NDRG2: variants seen among roughly 807,000 people sequenced by gnomAD.
The protein encoded by NDRG2 is NDRG family member 2.
NDRG2 carries 34 observed loss-of-function variants against 58.2 expected under a neutral mutation model. The observed-to-expected ratio is 0.58, with a 90% confidence interval of 0.44 to 0.78. The LOEUF (loss-of-function observed/expected upper bound fraction) is 0.78, where lower values mean the gene tolerates loss of function less well. NDRG2 is among the 30% of genes least tolerant of loss of function. The pLI, the probability that NDRG2 is intolerant of heterozygous loss-of-function variation, is 0.00. For synonymous variants in NDRG2, 187 were observed against 175.9 expected, an observed-to-expected ratio of 1.06 and a Z score of -0.50; for missense variants, 434 against 471.2, an observed-to-expected ratio of 0.92 and a Z score of 0.73.
intron 1 of NDRG2, among the ~76,000 whole-genome samples, chr14:21,062,822 A>G (rs1440675644): frequency 1.3e-5 from 2 of 149,196 alleles, no homozygotes; most frequent in African/African-American, 5.0e-5. Context: ...GCTCACTGCA[A>G]CCTCCACCTC....
upstream of NDRG2, chr14:21,025,746 G>A: frequency 1.0e-6 from 1 of 983,456 alleles, no homozygotes; most frequent in Non-Finnish European, 1.2e-6. This position sits in a 1 kb window ranked among gnomAD's most constrained non-coding sequence, Gnocchi z 5.1. Flanking sequence ...CAACAAGGCG[G>A]GGAGGTGGGG....
chr14:21,018,590 C>A (rs1878252043), intron 12 of NDRG2, 86 bp from the exon 13 acceptor site: 3 of 1,565,532 alleles, frequency 1.9e-6, no homozygotes, highest in South Asian at 2.4e-5. Context: ...AGACCCCAGT[C>A]CCTTTTCTAT....
chr14:21,063,001 C>A (rs1001851527), intron 1 of NDRG2, among the ~76,000 whole-genome samples: 3 of 151,182 alleles, frequency 2.0e-5, no homozygotes, highest in Admixed American at 6.6e-5. Context: ...GGGTGCACAC[C>A]TGCCTGTAGT....
intron 1 of NDRG2, among the ~76,000 whole-genome samples, chr14:21,069,622 C>G (rs1886513312): frequency 1.3e-5 from 2 of 152,236 alleles, no homozygotes; most frequent in South Asian, 4.1e-4. Context: ...TCCCTAACTC[C>G]CGCACACTCC....
intron 1 of NDRG2, chr14:21,030,882 A>G: frequency 2.7e-6 from 4 of 1,507,212 alleles, no homozygotes; most frequent in East Asian, 4.6e-5. Flanking sequence ...GCGCTGTGCT[A>G]TCCTTTGTCT....
intron 1 of NDRG2, chr14:21,031,014 C>A: frequency 6.2e-7 from 1 of 1,605,744 alleles, no homozygotes; most frequent in Non-Finnish European, 8.5e-7. Context: ...CTGACCAGGG[C>A]CAAGAACGCC....
At position 21,023,228 on chromosome 14, in the gene NDRG2, G is replaced by T. The variant is rs771224741; in HGVS notation, c.75+13C>A. ...TGGAATTTGGGCATGGGAGTCAAAC[G>T]GTCTCTAATAACCTTGGCCGCCTCA... On this transcript the variant is annotated intron_variant, in intron 2 of 15. Coordinates refer to ENST00000556147, the MANE Select transcript of NDRG2 (RefSeq NM_001320329.2). 6.2e-7 allele frequency: 1 copy of T among 1,612,510 alleles called. No homozygotes were observed. The highest frequency in any genetic ancestry group is 8.5e-7 in the Non-Finnish European group (1 of 1,178,798).
At position 21,070,770 on chromosome 14, in the gene NDRG2, G is replaced by A. The variant is rs1886719301; in HGVS notation, c.24+58C>T. On this transcript the variant is annotated intron_variant, in intron 1 of 14. Transcript: ENST00000403829. The surrounding 1 kb of genome is among the most constrained non-coding windows in gnomAD (Gnocchi z 4.7). ...CTCCTTACCCGCGGGAGACCCCTGC[G>A]GGTTGGTCCTGCAGCGACCCTGGAA... 5 of 1,522,982 alleles carry A rather than the reference G, an allele frequency of 3.3e-6. No individual in the cohort carries two copies. The highest frequency in any genetic ancestry group is 4.4e-6 in the Non-Finnish European group (5 of 1,136,022). The allele number at this position is 1,522,982 out of a possible 1,614,324, so 94.3% of individuals were successfully genotyped here.
rs375971279 is a variant in NDRG2, at chr14:21,018,067, C to T, written c.898-29G>A. 70 of 1,610,492 alleles carry T rather than the reference C, an allele frequency of 4.3e-5. 2 individuals carry two copies. The highest frequency in any genetic ancestry group is 6.7e-5 in the East Asian group (3 of 44,868). Reference sequence around the variant, plus strand: ...CGGAAGTAAGAAGAGGCGAGGGAGACGGTGAGATGAGGTTAGAGGAAGAGC... The same window carrying T: ...CGGAAGTAAGAAGAGGCGAGGGAGATGGTGAGATGAGGTTAGAGGAAGAGC... On this transcript the variant is annotated intron_variant, in intron 14 of 15. Transcript: ENST00000556147.
Position 21,019,224 on chromosome 14 carries a change from A to C in NDRG2, c.717-64T>G, listed in dbSNP as rs370699664. On this transcript the variant is annotated intron_variant, in intron 10 of 15. Transcript: ENST00000556147. ...AATGCTATCTAACCAGATATAAGCT[A>C]TCTCTCCCATGATGGAACTATCTTT... 5.2e-5 allele frequency: 72 copies of C among 1,388,048 alleles called. No individual in the cohort carries two copies. The African/African-American group carries it at 9.4e-4, about 18-fold the overall frequency. The allele number at this position is 1,388,048 out of a possible 1,614,324, so 86.0% of individuals were successfully genotyped here.
At chr14:21,068,748 G>A (rs969124250) in intron 1 of NDRG2, among the ~76,000 whole-genome samples, 7 of 152,220 alleles carry the variant, frequency 4.6e-5, no homozygotes, top group African/African-American at 1.4e-4. Context: ...ACTGTGCGGG[G>A]AAGATGGTTA....
chr14:21,044,691 C>T (rs1885065297), intron 1 of NDRG2, among the ~76,000 whole-genome samples: 1 of 152,202 alleles, frequency 6.6e-6, no homozygotes, highest in African/African-American at 2.4e-5. Flanking sequence ...TCCTGATGGT[C>T]TCTCCAACAT....
rs1193948590 is a variant in NDRG2, at chr14:21,058,155, C to A, written c.24+12673G>T. ...ATCACCTGCCAGACCCCCAACATAG[C>A]CTGCAAGAATAGCTGTAAAAACTGC... On this transcript the variant is annotated intron_variant, in intron 1 of 14. Coordinates refer to the NDRG2 transcript ENST00000403829. The A allele has an allele frequency of 2.5e-6, 4 of 1,614,080 alleles. No homozygotes were observed. In the Admixed American group the frequency reaches 6.7e-5, roughly 27 times the overall value.
chr14:21,044,734 T>C (rs985038655), intron 1 of NDRG2, among the ~76,000 whole-genome samples: 6 of 152,194 alleles, frequency 3.9e-5, no homozygotes, highest in Non-Finnish European at 8.8e-5. Flanking sequence ...TCTTTCTTCC[T>C]TTATCTCAGT....
At chr14:21,033,751 G>A (rs746762595) in intron 1 of NDRG2, 2 of 1,075,756 alleles carry the variant, frequency 1.9e-6, no homozygotes, top group Admixed American at 1.7e-5. Context: ...TCTTGTTACA[G>A]GGATCAGAGT....
Position 21,024,283 on chromosome 14 carries a change from T to C in NDRG2, c.-260A>G, listed in dbSNP as rs1882539101. ...CTCTCTAGGCTCGAGCCGGAATCAA[T>C]ATAGGCTACAAGGGCATCAGTTCAG... On this transcript the variant is annotated 5_prime_UTR_variant, in exon 1 of 16. The change creates a new upstream start codon in the 5' untranslated region. Coordinates refer to ENST00000556147, the MANE Select transcript of NDRG2 (RefSeq NM_001320329.2). The C allele has an allele frequency of 3.0e-6, 3 of 985,242 alleles. No individual in the cohort carries two copies. Among genetic ancestry groups the C allele is most frequent in the South Asian group, 4.7e-5 (1 of 21,284 alleles). The allele number at this position is 985,242 out of a possible 1,614,324, so 61.0% of individuals were successfully genotyped here. A position where few individuals can be genotyped will look rare whatever the true frequency, so the allele number is the denominator to read the frequency against.
Position 21,024,066 on chromosome 14 carries a change from T to TCC in NDRG2, c.-44_-43insGG. 1.0e-6 allele frequency: 1 copy of TCC among 985,228 alleles called. No individual in the cohort carries two copies. Among genetic ancestry groups the TCC allele is most frequent in the Non-Finnish European group, 1.2e-6 (1 of 829,948 alleles). The allele number at this position is 985,228 out of a possible 1,614,324, so 61.0% of individuals were successfully genotyped here. Reference sequence around the variant, plus strand: ...TGGCTGGATGCAGTGGGATTAGGGGTCAGGGTTCTCACTCCTTCTGACTCT... The same window carrying TCC: ...TGGCTGGATGCAGTGGGATTAGGGGTCCCAGGGTTCTCACTCCTTCTGACTCT... On this transcript the variant is annotated 5_prime_UTR_variant, in exon 1 of 16. Transcript: ENST00000556147.
At chr14:21,055,128 T>C in intron 1 of NDRG2, among the ~76,000 whole-genome samples, 1 of 152,348 alleles carries the variant, frequency 6.6e-6, no homozygotes, top group Middle Eastern at 3.4e-3. Context: ...CAGAAATGTA[T>C]CTGAAAAGAT....
At chr14:21,068,548 G>A (rs1192660168) in intron 1 of NDRG2, among the ~76,000 whole-genome samples, 1 of 152,050 alleles carries the variant, frequency 6.6e-6, no homozygotes, top group Admixed American at 6.6e-5. Context: ...TTTGAGACAG[G>A]TGAATAAGGT....
Sources: gnomAD v4.1 joint callset for allele counts (sites outside exome capture counted in the v4.1 genomes callset) on GRCh38, gnomAD v4.1.1 for gene constraint, Gnocchi (gnomAD v3.1) non-coding constraint, MANE v1.5 for transcripts, NCBI Gene and HGNC (gene_info 2026-07-23, HGNC 2026-07-21) for gene names.